The following IL7 variants were observed in gnomAD, a reference collection of about 807,000 sequenced individuals.
IL7 encodes the protein interleukin 7.
In IL7, 3 loss-of-function variants were observed where a neutral mutation model predicts 21.6. The ratio of observed to expected loss-of-function variants is 0.14; its 90% CI spans 0.06 to 0.36. The LOEUF is 0.36. IL7 is among the 10% of genes least tolerant of loss of function. IL7 has a pLI of 1.00. For missense variants in IL7, 175 were observed against 200.2 expected, an observed-to-expected ratio of 0.87 and a Z score of 0.76; for synonymous variants, 62 against 68.1, an observed-to-expected ratio of 0.91 and a Z score of 0.44.
rs1812526389 is a variant in IL7, at chr8:78,760,774, T to G, written c.148-20692A>C. 2.0e-6 allele frequency: 3 copies of G among 1,533,560 alleles called. No homozygotes were observed. The African/African-American group carries it at 4.2e-5, about 22-fold the overall frequency. 95.0% of individuals were successfully genotyped at this position (1,533,560 alleles called of 1,614,324 possible). On this transcript the variant is annotated intron_variant, in intron 2 of 5. Transcript: ENST00000263851. The stretch of plus-strand genomic sequence containing the variant: ...GAGCTCTGCGGAATTTCCCAGGGAG[T>G]TTCATTTGAATATCAAGTTTGGTTG...
At chr8:78,730,565 T>C (rs563778850), downstream of IL7, among the ~76,000 whole-genome samples, 21 of 152,040 alleles carry the variant, frequency 1.4e-4, no homozygotes, top group South Asian at 4.4e-3. Flanking sequence ...TGTCCTAAAT[T>C]AGTTATGTTT....
At chr8:78,784,177 C>G (rs778133956) in intron 2 of IL7, among the ~76,000 whole-genome samples, 2 of 152,082 alleles carry the variant, frequency 1.3e-5, no homozygotes, top group Non-Finnish European at 2.9e-5. Context: ...TGAAGGTGAA[C>G]CTCTAATGAA....
intron 5 of IL7, among the ~76,000 whole-genome samples, chr8:78,735,071 T>C (rs1811524429): frequency 6.6e-6 from 1 of 151,970 alleles, no homozygotes; most frequent in Admixed American, 6.6e-5. Context: ...AAAGGCAAAC[T>C]TTTCATATTG....
rs899614670 is a variant in IL7, at chr8:78,738,508, C to T, written c.356G>A (p.Gly119Asp). ...EGTTILLNCT[G>D]QVKGRKPAAL... ...AGTAAATAGTCCTTAGCTTACCTGG[C>T]CAGTGCAGTTCAACAGTATTGTTGT... Residue 119 changes from glycine to aspartate, a missense_variant, in exon 4 of 6, where the codon GGC (glycine) becomes GAC (aspartate). Gly to Asp is a moderately conservative substitution (Grantham distance 94). Transcript: ENST00000263851. The T allele has an allele frequency of 3.7e-6, 6 of 1,612,580 alleles. No individual in the cohort carries two copies. Among genetic ancestry groups the T allele is most frequent in the Non-Finnish European group, 4.2e-6 (5 of 1,179,164 alleles).
At chr8:78,729,979 T>G (rs577545247), downstream of IL7, among the ~76,000 whole-genome samples, 3 of 152,024 alleles carry the variant, frequency 2.0e-5, no homozygotes, top group African/African-American at 7.2e-5. Context: ...CAGTTCCACC[T>G]GGGAAAGCAT....
chr8:78,686,386 G>A, intron 3 of IL7: 5 of 1,104,564 alleles, frequency 4.5e-6, no homozygotes, highest in Non-Finnish European at 5.9e-6. Flanking sequence ...AAATGATATG[G>A]AATTATCTGA....
intron 4 of IL7, chr8:78,678,609 A>G (rs1309042394): frequency 1.1e-5 from 17 of 1,612,604 alleles, no homozygotes; most frequent in Non-Finnish European, 1.4e-5. Context: ...AAAAAACGGA[A>G]GACTTTTGAT....
downstream of IL7, among the ~76,000 whole-genome samples, chr8:78,729,873 T>C (rs1344150997): frequency 6.6e-6 from 1 of 152,002 alleles, no homozygotes; most frequent in Non-Finnish European, 1.5e-5. Flanking sequence ...AGATAGAAAT[T>C]GGCAAACATA....
At chr8:78,676,631 ATTTCTAG>A (rs1158142329) in intron 4 of IL7, among the ~76,000 whole-genome samples, 2 of 151,936 alleles carry the variant, frequency 1.3e-5, no homozygotes, top group Non-Finnish European at 2.9e-5. Context: ...TCCTCTTACT[ATTTCTAG>A]TTTGTTTCTT....
rs558314551 is a variant in IL7 at position 78,758,708 on chromosome 8, A to T, written c.148-18626T>A. On this transcript the variant is annotated intron_variant, in intron 2 of 5. Transcript: ENST00000263851. The stretch of plus-strand genomic sequence containing the variant: ...TGGCCTGCAAGATTTTTACTGAGTA[A>T]TAGGCTGCTAGTCTGATGGGATTTC... Among the ~76,000 whole-genome samples the T allele has an allele frequency of 3.4e-4, 51 of 152,192 alleles. 1 individual carries two copies. The South Asian group carries it at 0.01, about 30-fold the overall frequency.
At chr8:78,728,406 A>T (rs1309763277), downstream of IL7, among the ~76,000 whole-genome samples, 1 of 152,048 alleles carries the variant, frequency 6.6e-6, no homozygotes. Context: ...AAACTGTGGT[A>T]TTGGAGAAAG....
At chr8:78,694,631 CT>C (rs1234205130) in intron 3 of IL7, among the ~76,000 whole-genome samples, 2 of 151,990 alleles carry the variant, frequency 1.3e-5, no homozygotes, top group African/African-American at 4.8e-5. Flanking sequence ...ATTTTTTATT[CT>C]TTCCTGAGCA....
At chr8:78,763,886 A>G (rs1297878735) in intron 2 of IL7, among the ~76,000 whole-genome samples, 1 of 152,134 alleles carries the variant, frequency 6.6e-6, no homozygotes, top group Non-Finnish European at 1.5e-5. Flanking sequence ...ATAAAACTAT[A>G]GACAAGTACC....
intron 3 of IL7, among the ~76,000 whole-genome samples, chr8:78,727,052 G>A (rs977172372): frequency 4.6e-5 from 7 of 152,012 alleles, no homozygotes; most frequent in African/African-American, 1.4e-4. Context: ...ATTAGGTCCT[G>A]AGAAAACTCC....
chr8:78,761,310 G>A (rs1812548179), intron 2 of IL7: 3 of 1,611,604 alleles, frequency 1.9e-6, no homozygotes, highest in Non-Finnish European at 2.5e-6. Flanking sequence ...CCCATAACAG[G>A]TACTGATTTT....
intron 4 of IL7, among the ~76,000 whole-genome samples, chr8:78,682,544 A>T (rs1349359193): frequency 6.6e-6 from 1 of 152,024 alleles, no homozygotes; most frequent in African/African-American, 2.4e-5. Context: ...ACACAGGAAA[A>T]ACCTGCCCCC....
intron 3 of IL7, among the ~76,000 whole-genome samples, chr8:78,722,856 T>G (rs1811266275): frequency 6.6e-6 from 1 of 151,814 alleles, no homozygotes; most frequent in South Asian, 2.1e-4. Flanking sequence ...GTTTGATGCA[T>G]TGGAAACAAA....
chr8:78,740,716 T>C (rs535936377), intron 2 of IL7, among the ~76,000 whole-genome samples: 1 of 152,310 alleles, frequency 6.6e-6, no homozygotes, highest in Non-Finnish European at 1.5e-5. Flanking sequence ...TACTTTGAAA[T>C]TGACAGTGAG....
At chr8:78,790,630 ATACT>A (rs1486944592) in intron 2 of IL7, among the ~76,000 whole-genome samples, 3 of 152,122 alleles carry the variant, frequency 2.0e-5, no homozygotes, top group Admixed American at 1.3e-4. Flanking sequence ...AATAAGACAC[ATACT>A]TAGGTAAGTA....
Sources: gnomAD v4.1 joint callset for allele counts (sites outside exome capture counted in the v4.1 genomes callset) on GRCh38, gnomAD v4.1.1 for gene constraint, MANE v1.5 for transcripts, NCBI Gene and HGNC (gene_info 2026-07-23, HGNC 2026-07-21) for gene names.